Variants in MFHAS1 observed in about 807,000 individuals in gnomAD.
MFHAS1 encodes the protein multifunctional ROCO family signaling regulator 1.
A neutral mutation model predicts 70.4 loss-of-function variants in MFHAS1; 50 were observed. The ratio of observed to expected loss-of-function variants is 0.71; its 90% CI spans 0.57 to 0.90. The LOEUF (loss-of-function observed/expected upper bound fraction) is 0.90. MFHAS1 is among the 40% of genes least tolerant of loss of function. MFHAS1 has a pLI of 0.00. For synonymous variants in MFHAS1, 952 were observed against 620.0 expected (o/e 1.54, Z -7.96); for missense variants, 1,795 against 1,347.6 (o/e 1.33, Z -5.20).
At position 8,891,718 on chromosome 8, in the gene MFHAS1, G is replaced by A; in HGVS notation, c.1341C>T (p.Tyr447=). The change falls in exon 1 of 3, where the codon TAC becomes TAT. Residue 447 remains tyrosine (Y), a synonymous_variant. Transcript: ENST00000276282. This position sits in a 1 kb window ranked among gnomAD's most constrained non-coding sequence, Gnocchi z 5.4. ...TGCTCACAGGGGGAGGTGACGGTGGGTAGCACTTCTCCTTGTCCCCTCCTC... is the reference window on the plus strand; with the variant it reads ...TGCTCACAGGGGGAGGTGACGGTGGATAGCACTTCTCCTTGTCCCCTCCTC... ...CPGGGDKEKC[Y]PPSPPPVSKG... 6.2e-7 allele frequency: 1 copy of A among 1,613,422 alleles called. No individual in the cohort carries two copies. The highest frequency in any genetic ancestry group is 1.1e-5 in the South Asian group (1 of 91,078).
chr8:8,886,584 A>G (rs1809761421), intron 1 of MFHAS1, among the ~76,000 whole-genome samples: 1 of 152,230 alleles, frequency 6.6e-6, no homozygotes, highest in Non-Finnish European at 1.5e-5. Flanking sequence ...AGGCCAAAAT[A>G]GGCTTTTCAC....
intron 1 of MFHAS1, among the ~76,000 whole-genome samples, chr8:8,846,910 T>C (rs746482477): frequency 8.5e-5 from 13 of 152,192 alleles, no homozygotes; most frequent in Non-Finnish European, 1.3e-4. Context: ...CGATGACCTT[T>C]GATACACTGC....
At chr8:8,803,163 A>C (rs534193811) in intron 1 of MFHAS1, among the ~76,000 whole-genome samples, 1 of 152,306 alleles carries the variant, frequency 6.6e-6, no homozygotes, top group East Asian at 1.9e-4. Context: ...CCTCCTTATC[A>C]GTGAGTTTTG....
intron 1 of MFHAS1, among the ~76,000 whole-genome samples, chr8:8,882,856 A>G (rs1809581571): frequency 6.6e-6 from 1 of 152,192 alleles, no homozygotes; most frequent in Admixed American, 6.5e-5. Flanking sequence ...TGTTGCAATC[A>G]GAAAAGCTGA....
intron 1 of MFHAS1, among the ~76,000 whole-genome samples, chr8:8,888,145 T>C (rs1180649116): frequency 1.3e-5 from 2 of 152,206 alleles, no homozygotes; most frequent in African/African-American, 2.4e-5. Context: ...TACCAAGTCA[T>C]GGAGTGTGAC....
chr8:8,800,091 C>T (rs926335045), intron 1 of MFHAS1, among the ~76,000 whole-genome samples: 2 of 152,196 alleles, frequency 1.3e-5, no homozygotes, highest in Admixed American at 6.5e-5. Flanking sequence ...ACTCATCTTT[C>T]CTAAATGAGC....
At chr8:8,830,067 G>C (rs1217291492) in intron 1 of MFHAS1, among the ~76,000 whole-genome samples, 1 of 152,108 alleles carries the variant, frequency 6.6e-6, no homozygotes, top group Non-Finnish European at 1.5e-5. Context: ...CTAGTCCAGG[G>C]ACCACATTTG....
rs748746823 is a variant in MFHAS1, at chr8:8,892,877, T to G, written c.182A>C (p.Asn61Thr). 9.5e-6 allele frequency: 15 copies of G among 1,587,152 alleles called. No homozygotes were observed. The highest frequency in any genetic ancestry group is 1.3e-5 in the Non-Finnish European group (15 of 1,168,680). Residue 61 changes from asparagine (N) to threonine (T), a missense_variant, in exon 1 of 3, where the codon AAC (asparagine) becomes ACC (threonine). Asn to Thr is a moderately conservative substitution (Grantham distance 65, BLOSUM62 0). Transcript: ENST00000276282. This position sits in a 1 kb window ranked among gnomAD's most constrained non-coding sequence, Gnocchi z 4.7. Reference sequence around the variant, plus strand: ...GTTCAGTGCCTCAATGTCCCCGAGGTTGGCCGGCAGCACGAGCTGGGGGGA... The same window carrying G: ...GTTCAGTGCCTCAATGTCCCCGAGGGTGGCCGGCAGCACGAGCTGGGGGGA... ...PASPQLVLPA[N>T]LGDIEALNLG...
At chr8:8,875,515 C>G (rs1207964225) in intron 1 of MFHAS1, among the ~76,000 whole-genome samples, 3 of 152,156 alleles carry the variant, frequency 2.0e-5, no homozygotes, top group Non-Finnish European at 2.9e-5. Flanking sequence ...GGAAACAAAG[C>G]TAAAAGACAC....
chr8:8,789,600 G>A (rs1404364105), intron 2 of MFHAS1, among the ~76,000 whole-genome samples: 1 of 152,184 alleles, frequency 6.6e-6, no homozygotes, highest in African/African-American at 2.4e-5. Context: ...GCCATGGCAT[G>A]TTGTATTAAC....
chr8:8,843,382 G>A lies in MFHAS1; in HGVS notation c.2999-45891C>T, dbSNP rs149654814. Among the ~76,000 whole-genome samples, 993 of 152,122 alleles carry A rather than the reference G, an allele frequency of 6.5e-3. 12 individuals are homozygous for A. Among genetic ancestry groups the A allele is most frequent in the African/African-American group, 0.022 (912 of 41,484 alleles). The stretch of plus-strand genomic sequence containing the variant: ...GCAAATCACTTGAGGCCAGGAGTTC[G>A]AGACCAGCCTAGGCAACATTTCAAG... On this transcript the variant is annotated intron_variant, in intron 1 of 2. Transcript: ENST00000276282.
intron 1 of MFHAS1, among the ~76,000 whole-genome samples, chr8:8,858,383 A>C (rs974565036): frequency 2.6e-5 from 4 of 152,168 alleles, no homozygotes; most frequent in African/African-American, 9.7e-5. Flanking sequence ...GAAAATTCTA[A>C]TAAATGAAAG....
intron 1 of MFHAS1, among the ~76,000 whole-genome samples, chr8:8,876,384 CT>C (rs1301106400): frequency 6.6e-6 from 1 of 152,084 alleles, no homozygotes; most frequent in East Asian, 1.9e-4. Context: ...ATTGAGGAAA[CT>C]TTGATAAGTT....
intron 2 of MFHAS1, among the ~76,000 whole-genome samples, chr8:8,796,713 A>T: frequency 8.3e-6 from 1 of 120,978 alleles, no homozygotes; most frequent in East Asian, 3.2e-4. Context: ...AGGCAAAAAA[A>T]GGCCGGACGT....
chr8:8,842,630 C>T (rs539676294), intron 1 of MFHAS1, among the ~76,000 whole-genome samples: 3 of 152,274 alleles, frequency 2.0e-5, no homozygotes, highest in African/African-American at 4.8e-5. Context: ...CCAGCAGCAC[C>T]GGCATCACCC....
At chr8:8,810,421 G>C (rs1428125974) in intron 1 of MFHAS1, among the ~76,000 whole-genome samples, 1 of 152,170 alleles carries the variant, frequency 6.6e-6, no homozygotes, top group Non-Finnish European at 1.5e-5. Flanking sequence ...ACAAAGGTTT[G>C]AACCATGCAG....
chr8:8,852,045 G>T (rs879381758), intron 1 of MFHAS1, among the ~76,000 whole-genome samples: 3 of 152,214 alleles, frequency 2.0e-5, no homozygotes, highest in Non-Finnish European at 4.4e-5. Flanking sequence ...GTGGGTGGTG[G>T]AATGCCGGCT....
At chr8:8,826,795 TTCC>T (rs1807180965) in intron 1 of MFHAS1, among the ~76,000 whole-genome samples, 1 of 152,194 alleles carries the variant, frequency 6.6e-6, no homozygotes, top group Non-Finnish European at 1.5e-5. Flanking sequence ...ACTTCTTACC[TTCC>T]TCCTTACATC....
chr8:8,794,922 T>A (rs1419144723), intron 2 of MFHAS1, among the ~76,000 whole-genome samples: 1 of 152,148 alleles, frequency 6.6e-6, no homozygotes, highest in Admixed American at 6.5e-5. Flanking sequence ...TTTTTCAGGT[T>A]GGTATAAACG....
Sources: allele counts gnomAD v4.1 joint callset (sites outside exome capture counted in the v4.1 genomes callset), GRCh38; gene constraint gnomAD v4.1.1; non-coding constraint Gnocchi (gnomAD v3.1); transcripts MANE v1.5; gene names NCBI Gene and HGNC (gene_info 2026-07-23, HGNC 2026-07-21).